Variants in MACROD2 observed in about 807,000 individuals in gnomAD.
MACROD2 encodes mono-ADP ribosylhydrolase 2, also known as ADP-ribose glycohydrolase MACROD2.
MACROD2 carries 36 observed loss-of-function variants against 70.4 expected under a neutral mutation model. That is an observed-to-expected ratio of 0.51 (90% CI 0.39 to 0.68). The LOEUF (loss-of-function observed/expected upper bound fraction) is 0.68, where lower values mean the gene tolerates loss of function less well. MACROD2 is among the 30% of genes least tolerant of loss of function. MACROD2 has a pLI of 0.00. For synonymous variants in MACROD2, 172 were observed against 178.8 expected (o/e 0.96, Z 0.30); for missense variants, 496 against 538.4 (o/e 0.92, Z 0.78).
At chr20:15,621,504 G>T (rs1276679430) in intron 8 of MACROD2, among the ~76,000 whole-genome samples, 1 of 152,170 alleles carries the variant, frequency 6.6e-6, no homozygotes, top group Non-Finnish European at 1.5e-5. Context: ...TAAACAGTTT[G>T]AGAATCTCAT....
At chr20:15,823,048 C>T (rs760259883) in intron 8 of MACROD2, among the ~76,000 whole-genome samples, 6 of 152,320 alleles carry the variant, frequency 3.9e-5, no homozygotes, top group Non-Finnish European at 5.9e-5. Context: ...TTATGACCCA[C>T]AGACAATCAT....
At chr20:14,791,328 C>T (rs187427477) in intron 5 of MACROD2, among the ~76,000 whole-genome samples, 7 of 152,136 alleles carry the variant, frequency 4.6e-5, no homozygotes, top group South Asian at 2.1e-4. Context: ...CAGAGTGCTT[C>T]GTGGTTTAGG....
intron 15 of MACROD2, among the ~76,000 whole-genome samples, chr20:16,030,802 A>G (rs764582837): frequency 3.3e-5 from 5 of 152,188 alleles, no homozygotes; most frequent in South Asian, 2.1e-4. Flanking sequence ...AAATTGCTCT[A>G]TGTGAGAATG....
chr20:15,459,752 T>C (rs1277785558), intron 7 of MACROD2, among the ~76,000 whole-genome samples: 1 of 152,166 alleles, frequency 6.6e-6, no homozygotes, highest in Non-Finnish European at 1.5e-5. Context: ...ACTCAGATTA[T>C]GATTAGGATA....
intron 2 of MACROD2, among the ~76,000 whole-genome samples, chr20:14,016,315 C>T (rs2052990648): frequency 6.6e-6 from 1 of 152,118 alleles, no homozygotes. Context: ...GATATTAATT[C>T]CTTATCAGAT....
intron 4 of MACROD2, among the ~76,000 whole-genome samples, chr20:14,679,826 A>G (rs1212550945): frequency 6.6e-6 from 1 of 152,220 alleles, no homozygotes; most frequent in Non-Finnish European, 1.5e-5. Flanking sequence ...CCATTGTTCT[A>G]TAATGAAAGA....
intron 8 of MACROD2, 59 bp downstream of exon 8, chr20:15,499,906 C>G: frequency 4.0e-6 from 6 of 1,503,062 alleles, no homozygotes; most frequent in Non-Finnish European, 4.6e-6. Context: ...TGCTCAGTTC[C>G]CCCCAAAAAA....
intron 4 of MACROD2, among the ~76,000 whole-genome samples, chr20:14,555,672 G>C (rs77511479): frequency 0.015 from 2,246 of 152,150 alleles, 28 homozygotes; most frequent in South Asian, 0.027. Context: ...CATCCAGCCA[G>C]CATTCCATCC....
intron 12 of MACROD2, among the ~76,000 whole-genome samples, chr20:15,939,987 A>C (rs993011108): frequency 1.3e-5 from 2 of 152,196 alleles, no homozygotes; most frequent in East Asian, 3.8e-4. Flanking sequence ...CTCATGAGGA[A>C]CTTGAACAAA....
intron 7 of MACROD2, among the ~76,000 whole-genome samples, chr20:15,456,672 TC>T (rs1475869956): frequency 6.6e-6 from 1 of 152,138 alleles, no homozygotes; most frequent in Non-Finnish European, 1.5e-5. Flanking sequence ...GGCTTCTCTT[TC>T]CCTCATTTTC....
chr20:15,420,627 T>C (rs1411112031), intron 6 of MACROD2, among the ~76,000 whole-genome samples: 4 of 152,190 alleles, frequency 2.6e-5, no homozygotes, highest in African/African-American at 4.8e-5. Context: ...TTGACTATTC[T>C]CCACTGTTAA....
chr20:14,841,294 G>A (rs1478968030), intron 5 of MACROD2, among the ~76,000 whole-genome samples: 2 of 152,110 alleles, frequency 1.3e-5, no homozygotes, highest in African/African-American at 4.8e-5. Flanking sequence ...CAGAGGTTTT[G>A]ATTGAAAAAT....
intron 5 of MACROD2, among the ~76,000 whole-genome samples, chr20:14,750,149 C>A (rs2071851377): frequency 6.6e-6 from 1 of 151,930 alleles, no homozygotes; most frequent in African/African-American, 2.4e-5. Context: ...GCAAATTATC[C>A]TTATTGTTTA....
chr20:15,329,780 A>G (rs923303247), intron 6 of MACROD2, among the ~76,000 whole-genome samples: 4 of 152,052 alleles, frequency 2.6e-5, no homozygotes, highest in African/African-American at 9.7e-5. Context: ...TTAGGATTCT[A>G]TCCCCGACCT....
At chr20:14,500,198 T>A (rs139627810) in intron 4 of MACROD2, among the ~76,000 whole-genome samples, 143 of 152,326 alleles carry the variant, frequency 9.4e-4, no homozygotes, top group African/African-American at 3.3e-3. Flanking sequence ...GGTTAAGCTG[T>A]TTTCTTTGAC....
At chr20:14,406,476 G>A (rs2083692237) in intron 3 of MACROD2, among the ~76,000 whole-genome samples, 2 of 152,076 alleles carry the variant, frequency 1.3e-5, no homozygotes, top group South Asian at 4.1e-4. Context: ...TTTAGAACTA[G>A]AACAGTGCTA....
At chr20:15,307,909 A>G (rs563118630) in intron 6 of MACROD2, among the ~76,000 whole-genome samples, 2 of 152,108 alleles carry the variant, frequency 1.3e-5, no homozygotes, top group South Asian at 4.1e-4. Flanking sequence ...TTTCTGGAAT[A>G]TCCCTAATTT....
At chr20:15,106,152 C>A (rs1011643738) in intron 5 of MACROD2, among the ~76,000 whole-genome samples, 4 of 152,144 alleles carry the variant, frequency 2.6e-5, no homozygotes, top group Non-Finnish European at 4.4e-5. Flanking sequence ...GAACTCAGGT[C>A]TTTCTGAGGG....
intron 5 of MACROD2, among the ~76,000 whole-genome samples, chr20:15,200,144 G>T (rs933867157): frequency 6.6e-6 from 1 of 152,132 alleles, no homozygotes; most frequent in African/African-American, 2.4e-5. Flanking sequence ...CTAAGGCCTT[G>T]TTTCATCAGC....
Sources: gnomAD v4.1 joint callset for allele counts (sites outside exome capture counted in the v4.1 genomes callset) on GRCh38, gnomAD v4.1.1 for gene constraint, MANE v1.5 for transcripts, NCBI Gene and HGNC (gene_info 2026-07-23, HGNC 2026-07-21) for gene names.